Variants in CADM1 observed in about 807,000 individuals in gnomAD.
CADM1 encodes TSLC-1.
Under a neutral mutation model 53.1 loss-of-function variants are expected in CADM1, and 15 were observed. The ratio of observed to expected loss-of-function variants is 0.28; its 90% CI spans 0.19 to 0.44. The LOEUF is 0.44. CADM1 is among the 20% of genes least tolerant of loss of function. The probability of loss-of-function intolerance (pLI) is 1.00; values close to 1 mark genes in which losing one functional copy is unlikely to be tolerated. For synonymous variants in CADM1, 281 were observed against 243.0 expected, an observed-to-expected ratio of 1.16 and a Z score of -1.45; for missense variants, 434 against 611.3, an observed-to-expected ratio of 0.71 and a Z score of 3.06.
At chr11:115,387,782 A>G (rs982569949) in intron 1 of CADM1, among the ~76,000 whole-genome samples, 4 of 152,136 alleles carry the variant, frequency 2.6e-5, no homozygotes, top group African/African-American at 9.7e-5. Flanking sequence ...GTATGCACAC[A>G]TGCATGTGTG....
intron 1 of CADM1, among the ~76,000 whole-genome samples, chr11:115,434,863 A>ATT (rs71066429): frequency 2.6e-4 from 34 of 128,730 alleles, no homozygotes; most frequent in South Asian, 9.9e-4. Context: ...TATTATTATT[A>ATT]TTTTTTTTTT....
chr11:115,444,262 A>C (rs1014822443), intron 1 of CADM1, among the ~76,000 whole-genome samples: 2 of 152,108 alleles, frequency 1.3e-5, no homozygotes, highest in African/African-American at 4.8e-5. Flanking sequence ...AGAGAAAAAT[A>C]TCTCTATAAA....
chr11:115,484,306 C>T (rs1016665971), intron 1 of CADM1, among the ~76,000 whole-genome samples: 10 of 152,144 alleles, frequency 6.6e-5, no homozygotes, highest in Non-Finnish European at 1.0e-4. Context: ...TAGGAGTTGC[C>T]ATTAAGCTGA....
intron 1 of CADM1, among the ~76,000 whole-genome samples, chr11:115,295,506 TTA>T (rs71066412): frequency 0.093 from 5,021 of 54,278 alleles, 127 homozygotes; most frequent in Non-Finnish European, 0.11. Context: ...TCAAGATATT[TTA>T]TATATATATA....
intron 1 of CADM1, among the ~76,000 whole-genome samples, chr11:115,348,194 A>G (rs1036754256): frequency 6.6e-6 from 1 of 152,194 alleles, no homozygotes; most frequent in Non-Finnish European, 1.5e-5. Context: ...AAAGCCACAC[A>G]CATGGGTTAC....
Position 115,214,786 on chromosome 11 carries a change from G to C in CADM1, c.822-6C>G, listed in dbSNP as rs766826690. 54 of 1,613,452 alleles carry C rather than the reference G, an allele frequency of 3.3e-5. No individual in the cohort carries two copies. The highest frequency in any genetic ancestry group is 4.3e-5 in the Non-Finnish European group (51 of 1,179,716). ...CCCAAGTTACCATCACAGGCCTGCA[G>C]GGGGAAGGGGAGGAAGACAAGTCAC... is the stretch of plus-strand genomic sequence containing the variant. On this transcript the variant is annotated splice_region_variant and splice_polypyrimidine_tract_variant and intron_variant, in intron 6 of 11. Transcript: ENST00000331581.
intron 1 of CADM1, among the ~76,000 whole-genome samples, chr11:115,339,329 C>T (rs930920859): frequency 2.0e-5 from 3 of 151,990 alleles, no homozygotes; most frequent in Admixed American, 6.6e-5. Context: ...CACATGCACA[C>T]GTATGTTTAT....
intron 1 of CADM1, among the ~76,000 whole-genome samples, chr11:115,387,927 AC>A (rs1278530462): frequency 1.3e-5 from 2 of 151,992 alleles, no homozygotes; most frequent in Non-Finnish European, 2.9e-5. Context: ...AACAAACAAA[AC>A]TACCCAAAAA....
intron 1 of CADM1, among the ~76,000 whole-genome samples, chr11:115,476,531 G>C (rs1189840903): frequency 1.3e-5 from 2 of 152,170 alleles, no homozygotes; most frequent in African/African-American, 4.8e-5. Flanking sequence ...CATGCATCAG[G>C]AGATGGCAGC....
chr11:115,389,524 T>A (rs1193265833), intron 1 of CADM1, among the ~76,000 whole-genome samples: 1 of 152,206 alleles, frequency 6.6e-6, no homozygotes, highest in Non-Finnish European at 1.5e-5. Flanking sequence ...TAAATTATGC[T>A]ATGTAAATTC....
rs1443945715 is a variant in CADM1 at position 115,171,055 on chromosome 11, T to C, written c.*5419A>G. 2.0e-5 allele frequency: 3 copies of C among 152,176 alleles called. No homozygotes were observed. The highest frequency in any genetic ancestry group is 1.9e-4 in the East Asian group (1 of 5,192). 9.4% of individuals were successfully genotyped at this position (152,176 alleles called of 1,614,324 possible). A position where few individuals can be genotyped will look rare whatever the true frequency, so the allele number is the denominator to read the frequency against. Reference sequence around the variant, plus strand: ...TGCGTGCCTGACAGGAACTTTAATATGGTATTGACCTACAAGGTCATGGAT... The same window carrying C: ...TGCGTGCCTGACAGGAACTTTAATACGGTATTGACCTACAAGGTCATGGAT... On this transcript the variant is annotated 3_prime_UTR_variant, in exon 12 of 12. Coordinates refer to ENST00000331581, the MANE Select transcript of CADM1 (RefSeq NM_001301043.2).
chr11:115,251,206 C>T (rs549593443), intron 1 of CADM1, among the ~76,000 whole-genome samples: 13 of 152,224 alleles, frequency 8.5e-5, no homozygotes, highest in Non-Finnish European at 5.9e-5. Context: ...ACGGCATTTA[C>T]AGTACCTGCC....
At chr11:115,238,718 ATT>A in intron 2 of CADM1, 66 bp from the exon 3 acceptor site, 3 of 1,506,212 alleles carry the variant, frequency 2.0e-6, no homozygotes, top group Non-Finnish European at 2.8e-6. Flanking sequence ...TTCCTTAATT[ATT>A]TATTACATCT....
intron 1 of CADM1, among the ~76,000 whole-genome samples, chr11:115,381,911 T>C (rs1184597031): frequency 6.6e-6 from 1 of 152,170 alleles, no homozygotes; most frequent in Non-Finnish European, 1.5e-5. Flanking sequence ...AGTGGCCCGA[T>C]CTCGGCTCAC....
intron 1 of CADM1, among the ~76,000 whole-genome samples, chr11:115,260,848 A>AT (rs1220513875): frequency 1.0e-4 from 15 of 149,662 alleles, no homozygotes; most frequent in African/African-American, 3.2e-4. Flanking sequence ...AATTTTTTGT[A>AT]TTTTTTTAGT....
intron 1 of CADM1, among the ~76,000 whole-genome samples, chr11:115,464,004 G>A (rs574059664): frequency 6.6e-6 from 1 of 152,302 alleles, no homozygotes; most frequent in South Asian, 2.1e-4. Flanking sequence ...AGGCCTTTAA[G>A]TCCCTGAGAT....
Position 115,176,342 on chromosome 11 carries a change from A to T in CADM1, c.*132T>A. ...TTTTTTTTTTACACAGCAAATCCCA[A>T]GCCTTCCCAGTCTCACACCTTTCCA... is the stretch of plus-strand genomic sequence containing the variant. On this transcript the variant is annotated 3_prime_UTR_variant, in exon 12 of 12. Coordinates refer to ENST00000331581, the MANE Select transcript of CADM1 (RefSeq NM_001301043.2). 1 of 1,581,544 alleles carries T rather than the reference A, an allele frequency of 6.3e-7. No individual in the cohort carries two copies. The highest frequency in any genetic ancestry group is 8.6e-7 in the Non-Finnish European group (1 of 1,161,048).
intron 7 of CADM1, among the ~76,000 whole-genome samples, chr11:115,211,111 A>G (rs1940936531): frequency 6.6e-6 from 1 of 152,198 alleles, no homozygotes; most frequent in African/African-American, 2.4e-5. Context: ...CCTTTTTAAA[A>G]GAAAGGCAGA....
At chr11:115,204,443 T>C (rs1436128959) in intron 8 of CADM1, among the ~76,000 whole-genome samples, 1 of 152,182 alleles carries the variant, frequency 6.6e-6, no homozygotes, top group Non-Finnish European at 1.5e-5. Context: ...GAGTATTTTG[T>C]CTCCATAAGC....
Sources: gnomAD v4.1 joint callset for allele counts (sites outside exome capture counted in the v4.1 genomes callset) on GRCh38, gnomAD v4.1.1 for gene constraint, MANE v1.5 for transcripts, NCBI Gene and HGNC (gene_info 2026-07-23, HGNC 2026-07-21) for gene names.